Variants in MANBA observed in about 807,000 individuals in gnomAD.
MANBA encodes the protein beta-mannosidase.
A neutral mutation model predicts 111.1 loss-of-function variants in MANBA; 83 were observed. That is an observed-to-expected ratio of 0.75 (90% confidence interval 0.63 to 0.90). The LOEUF is 0.90. Among genes scored for constraint, MANBA ranks in the 40% least tolerant of loss-of-function variants. The pLI is 0.00. For missense variants in MANBA, 1,036 were observed against 1,069.0 expected, an observed-to-expected ratio of 0.97 and a Z score of 0.43; for synonymous variants, 370 against 378.7, an observed-to-expected ratio of 0.98 and a Z score of 0.27.
intron 1 of MANBA, among the ~76,000 whole-genome samples, chr4:102,735,052 T>C (rs558666698): frequency 1.3e-5 from 2 of 152,354 alleles, no homozygotes; most frequent in African/African-American, 4.8e-5. Flanking sequence ...GTCACCTTTT[T>C]TGCTGCTGTG....
intron 12 of MANBA, among the ~76,000 whole-genome samples, chr4:102,656,154 T>C (rs1730548798): frequency 6.6e-6 from 1 of 152,082 alleles, no homozygotes; most frequent in Non-Finnish European, 1.5e-5. Context: ...TTGGGGATGC[T>C]GAGGCAGGAG....
At chr4:102,670,699 C>G (rs1731455910) in intron 9 of MANBA, among the ~76,000 whole-genome samples, 1 of 151,924 alleles carries the variant, frequency 6.6e-6, no homozygotes, top group Non-Finnish European at 1.5e-5. Context: ...CAAAAATTAG[C>G]TGGATGCTAA....
At chr4:102,645,249 G>A (rs1036801679) in intron 13 of MANBA, among the ~76,000 whole-genome samples, 1 of 151,978 alleles carries the variant, frequency 6.6e-6, no homozygotes, top group African/African-American at 2.4e-5. Context: ...TATGCTGCTG[G>A]ATTTGGATTG....
chr4:102,714,285 TG>T (rs1474909099), intron 5 of MANBA, among the ~76,000 whole-genome samples, 152 bp downstream of exon 5: 6 of 152,358 alleles, frequency 3.9e-5, no homozygotes, highest in African/African-American at 1.4e-4. Flanking sequence ...AAAATCAGTT[TG>T]TACCTATTTT....
chr4:102,671,076 C>T (rs1261086478), intron 9 of MANBA: 2 of 471,836 alleles, frequency 4.2e-6, no homozygotes, highest in Non-Finnish European at 7.7e-6. Flanking sequence ...AAATAATTTA[C>T]AGGATATCTA....
chr4:102,660,259 C>T (rs2110212263), intron 11 of MANBA, among the ~76,000 whole-genome samples: 1 of 152,178 alleles, frequency 6.6e-6, no homozygotes, highest in South Asian at 2.1e-4. Flanking sequence ...GTAGTAGCAA[C>T]TCTACATTCA....
At position 102,709,423 on chromosome 4, in the gene MANBA, AAGAG is replaced by A. The variant is rs1231998017; in HGVS notation, c.673+5011_673+5014del. Reference sequence around the variant, plus strand: ...GAAAAAAAAGAAAGAAAGAAAGAGAAAGAGAGAGAGAGAAAGGAAGGAAGGAAGG... The same window carrying A: ...GAAAAAAAAGAAAGAAAGAAAGAGAAAGAGAGAGAAAGGAAGGAAGGAAGG... On this transcript the variant is annotated intron_variant, in intron 5 of 16. Coordinates refer to ENST00000647097, the MANE Select transcript of MANBA (RefSeq NM_005908.4). 2.0e-4 allele frequency among the ~76,000 whole-genome samples: 26 copies of A among 128,440 alleles called. 1 individual carries two copies. Among genetic ancestry groups the A allele is most frequent in the South Asian group, 1.3e-3 (6 of 4,528 alleles). The allele number at this position is 128,440 out of a possible 152,430, so 84.3% of individuals were successfully genotyped here. A position where few individuals can be genotyped will look rare whatever the true frequency, so the allele number is the denominator to read the frequency against.
At chr4:102,728,665 G>A in intron 1 of MANBA, 1 of 560,166 alleles carries the variant, frequency 1.8e-6, no homozygotes, top group Admixed American at 2.7e-5. Flanking sequence ...GGCCTCAGGT[G>A]GGTCTCACGT....
chr4:102,645,614 G>A (rs1730070627), intron 13 of MANBA, among the ~76,000 whole-genome samples: 1 of 151,898 alleles, frequency 6.6e-6, no homozygotes, highest in Admixed American at 6.6e-5. Context: ...TTCATGGGTT[G>A]TTTCTCTAGG....
At chr4:102,652,259 C>G (rs1204453471) in intron 12 of MANBA, among the ~76,000 whole-genome samples, 1 of 152,168 alleles carries the variant, frequency 6.6e-6, no homozygotes, top group African/African-American at 2.4e-5. Flanking sequence ...CCTGGCAACC[C>G]TTCCACCCTC....
intron 1 of MANBA, among the ~76,000 whole-genome samples, chr4:102,743,460 T>C (rs988413196): frequency 6.6e-6 from 1 of 152,210 alleles, no homozygotes; most frequent in Non-Finnish European, 1.5e-5. Context: ...GGGTGGTGCC[T>C]GCATATCGTG....
rs1380049846 is a variant in MANBA, at chr4:102,730,003, C to T, written c.178-3320G>A. The T allele has an allele frequency of 5.6e-5, 48 of 851,014 alleles. No homozygotes were observed. In the East Asian group the frequency reaches 1.1e-3, roughly 20 times the overall value. 52.7% of individuals were successfully genotyped at this position (851,014 alleles called of 1,614,324 possible). ...GTGGTGATGCCACCCACGCTGCTGCCCTCACCATAGCCTCCGCCCAGACAA... is the reference window on the plus strand; with the variant it reads ...GTGGTGATGCCACCCACGCTGCTGCTCTCACCATAGCCTCCGCCCAGACAA... On this transcript the variant is annotated intron_variant, in intron 1 of 16. Transcript: ENST00000647097.
intron 5 of MANBA, among the ~76,000 whole-genome samples, chr4:102,710,563 A>C (rs1296519998): frequency 3.3e-5 from 5 of 152,186 alleles, no homozygotes; most frequent in Admixed American, 6.5e-5. Context: ...AAGAATTAAT[A>C]TCATTAAAAT....
intron 12 of MANBA, among the ~76,000 whole-genome samples, chr4:102,651,213 A>G (rs764037324): frequency 6.6e-6 from 1 of 152,096 alleles, no homozygotes; most frequent in Non-Finnish European, 1.5e-5. Flanking sequence ...CTTGTTTCTC[A>G]GTGATTACTA....
At chr4:102,741,498 A>G (rs1723402937) in intron 1 of MANBA, among the ~76,000 whole-genome samples, 1 of 152,256 alleles carries the variant, frequency 6.6e-6, no homozygotes, top group African/African-American at 2.4e-5. Context: ...ACATGTTTAT[A>G]GCACCACAAT....
chr4:102,742,765 A>T (rs1399965702), intron 1 of MANBA, among the ~76,000 whole-genome samples: 2 of 152,216 alleles, frequency 1.3e-5, no homozygotes, highest in African/African-American at 4.8e-5. Flanking sequence ...TATCCAGAGT[A>T]AGTGTCCATT....
At chr4:102,742,985 C>A (rs1466276676) in intron 1 of MANBA, among the ~76,000 whole-genome samples, 1 of 152,196 alleles carries the variant, frequency 6.6e-6, no homozygotes, top group Non-Finnish European at 1.5e-5. Context: ...CCATGTGTAA[C>A]CCCCATCCCT....
chr4:102,726,949 G>C (rs907911934), intron 1 of MANBA, among the ~76,000 whole-genome samples: 2 of 152,134 alleles, frequency 1.3e-5, no homozygotes, highest in African/African-American at 4.8e-5. Context: ...CATTAAGATT[G>C]GCTTCCCCTT....
chr4:102,667,264 G>A (rs1731268966), intron 10 of MANBA: 1 of 152,134 alleles, frequency 6.6e-6, no homozygotes, highest in African/African-American at 2.4e-5. Context: ...ACCAATGCTA[G>A]GGAGTCCAAT....
Sources: gnomAD v4.1 joint callset for allele counts (sites outside exome capture counted in the v4.1 genomes callset) on GRCh38, gnomAD v4.1.1 for gene constraint, MANE v1.5 for transcripts, NCBI Gene and HGNC (gene_info 2026-07-23, HGNC 2026-07-21) for gene names.